GALNTL6: variants seen among roughly 807,000 people sequenced by gnomAD.
GALNTL6 encodes polypeptide N-acetylgalactosaminyltransferase like 6, also known as polypeptide N-acetylgalactosaminyltransferase-like 6.
In GALNTL6, 46 loss-of-function variants were observed where a neutral mutation model predicts 73.7. That is an observed-to-expected ratio of 0.62 (90% CI 0.49 to 0.80). The LOEUF (loss-of-function observed/expected upper bound fraction) is 0.80, where lower values mean the gene tolerates loss of function less well. GALNTL6 is among the 30% of genes least tolerant of loss of function. GALNTL6 has a pLI of 0.00. For missense variants in GALNTL6, 604 were observed against 755.0 expected, an observed-to-expected ratio of 0.80 and a Z score of 2.34; for synonymous variants, 259 against 263.7, an observed-to-expected ratio of 0.98 and a Z score of 0.17.
chr4:173,025,496 C>T (rs2126524421), intron 12 of GALNTL6, among the ~76,000 whole-genome samples: 1 of 152,292 alleles, frequency 6.6e-6, no homozygotes, highest in East Asian at 1.9e-4. Flanking sequence ...CCAGCCCCTG[C>T]CTGGTTCAGT....
At chr4:172,332,997 T>C (rs747507538) in intron 4 of GALNTL6, among the ~76,000 whole-genome samples, 1 of 152,230 alleles carries the variant, frequency 6.6e-6, no homozygotes, top group Non-Finnish European at 1.5e-5. Context: ...ATCACCATTC[T>C]AACTGGGGTA....
At chr4:172,780,547 T>G (rs1739319006) in intron 5 of GALNTL6, among the ~76,000 whole-genome samples, 1 of 152,236 alleles carries the variant, frequency 6.6e-6, no homozygotes, top group Non-Finnish European at 1.5e-5. Context: ...TTTGGCTGAT[T>G]TCATTGCCTT....
intron 4 of GALNTL6, among the ~76,000 whole-genome samples, chr4:172,329,766 C>G (rs902045878): frequency 6.6e-6 from 1 of 152,200 alleles, no homozygotes; most frequent in Non-Finnish European, 1.5e-5. Flanking sequence ...AGATGGCAAC[C>G]CATCTGTCCC....
chr4:172,983,042 C>T (rs1751139435), intron 10 of GALNTL6, among the ~76,000 whole-genome samples: 2 of 152,166 alleles, frequency 1.3e-5, no homozygotes, highest in Non-Finnish European at 2.9e-5. Flanking sequence ...TAATGTACTT[C>T]ATCTGGGCAA....
intron 4 of GALNTL6, among the ~76,000 whole-genome samples, chr4:172,337,024 C>G (rs764565601): frequency 6.6e-6 from 1 of 152,116 alleles, no homozygotes; most frequent in Non-Finnish European, 1.5e-5. Context: ...ATATAATGTC[C>G]TTCTTTTTCC....
Position 172,938,057 on chromosome 4 carries a change from C to T in GALNTL6, c.1149+6789C>T, listed in dbSNP as rs549637765. Among the ~76,000 whole-genome samples the T allele has an allele frequency of 2.2e-4, 33 of 152,262 alleles. No homozygotes were observed. The South Asian group carries it at 6.0e-3, about 28-fold the overall frequency. On this transcript the variant is annotated intron_variant, in intron 9 of 12. Coordinates refer to ENST00000506823, the MANE Select transcript of GALNTL6 (RefSeq NM_001034845.3). The stretch of plus-strand genomic sequence containing the variant: ...AGGGTTTCTTAGCAAAGTGTAACAA[C>T]CTTTGACAATTTCCTATGGTTATTA...
intron 3 of GALNTL6, among the ~76,000 whole-genome samples, chr4:172,280,509 C>T (rs952430844): frequency 2.0e-5 from 3 of 151,748 alleles, no homozygotes; most frequent in African/African-American, 7.3e-5. Flanking sequence ...TTTCTTTAAT[C>T]CTTGAGCAGT....
At chr4:172,599,735 T>C (rs1560828886) in intron 5 of GALNTL6, among the ~76,000 whole-genome samples, 1 of 152,114 alleles carries the variant, frequency 6.6e-6, no homozygotes, top group Admixed American at 6.6e-5. Flanking sequence ...ATCACTAAGA[T>C]GTAGGTTGGT....
chr4:172,275,658 A>G (rs185780168), intron 3 of GALNTL6, among the ~76,000 whole-genome samples: 1 of 152,336 alleles, frequency 6.6e-6, no homozygotes, highest in Non-Finnish European at 1.5e-5. Context: ...AAAAGAAGAG[A>G]CTATAGTTAA....
intron 9 of GALNTL6, among the ~76,000 whole-genome samples, chr4:172,935,509 G>T (rs758695765): frequency 6.6e-6 from 1 of 151,878 alleles, no homozygotes; most frequent in Non-Finnish European, 1.5e-5. Context: ...TTTTTGAAAA[G>T]ATCAACAAAA....
chr4:171,857,348 G>A (rs1288551086), intron 2 of GALNTL6, among the ~76,000 whole-genome samples: 4 of 152,074 alleles, frequency 2.6e-5, no homozygotes, highest in Non-Finnish European at 5.9e-5. Context: ...CTATTAGAAG[G>A]GATTTTTATA....
intron 2 of GALNTL6, among the ~76,000 whole-genome samples, chr4:172,096,084 C>CGGTGTG (rs1553992000): frequency 0.082 from 11,994 of 147,156 alleles, 603 homozygotes; most frequent in Admixed American, 0.18. Flanking sequence ...CTCTCTCTTT[C>CGGTGTG]TGTGTGTGTG....
rs1429796548 is a variant in GALNTL6 at position 172,138,477 on chromosome 4, C to CTACATATA, written c.139-91177_139-91176insCATATATA. 2.9e-3 allele frequency among the ~76,000 whole-genome samples: 25 copies of CTACATATA among 8,696 alleles called. 1 individual carries two copies. The highest frequency in any genetic ancestry group is 8.5e-3 in the African/African-American group (22 of 2,586). The allele number at this position is 8,696 out of a possible 152,430, so 5.7% of individuals were successfully genotyped here. On this transcript the variant is annotated intron_variant, in intron 2 of 12. Coordinates refer to ENST00000506823, the MANE Select transcript of GALNTL6 (RefSeq NM_001034845.3). ...AATTATATTAATTTACTTGGACTGC[C>CTACATATA]TATATATATATATATATATATATAT...
intron 5 of GALNTL6, among the ~76,000 whole-genome samples, chr4:172,498,705 C>T (rs1734157920): frequency 6.6e-6 from 1 of 152,082 alleles, no homozygotes; most frequent in East Asian, 1.9e-4. Context: ...AAGGTTGTAG[C>T]TTAATGGAAC....
At chr4:172,286,321 A>T (rs1739247572) in intron 3 of GALNTL6, among the ~76,000 whole-genome samples, 1 of 152,136 alleles carries the variant, frequency 6.6e-6, no homozygotes, top group African/African-American at 2.4e-5. Flanking sequence ...CGAGGTCTTT[A>T]TCCATGTGTG....
chr4:172,413,899 G>C lies in GALNTL6; in HGVS notation c.553+65210G>C, dbSNP rs200433135. On this transcript the variant is annotated intron_variant, in intron 5 of 12. Transcript: ENST00000506823. The stretch of plus-strand genomic sequence containing the variant: ...CAAATGTCTAAGAATATGAAAAGTA[G>C]GTCTGTCTTTCACTGCCTGCATAGA... Among the ~76,000 whole-genome samples the C allele has an allele frequency of 7.8e-4, 118 of 152,006 alleles. 1 individual carries two copies. The South Asian group carries it at 0.016, about 21-fold the overall frequency.
chr4:172,722,345 TAAC>T (rs1735531792), intron 5 of GALNTL6, among the ~76,000 whole-genome samples: 2 of 152,168 alleles, frequency 1.3e-5, no homozygotes, highest in African/African-American at 4.8e-5. Flanking sequence ...TACATGGTGA[TAAC>T]AAAGTAACAC....
At chr4:172,315,763 G>A (rs1225862511) in intron 4 of GALNTL6, among the ~76,000 whole-genome samples, 19 of 151,762 alleles carry the variant, frequency 1.3e-4, no homozygotes, top group Non-Finnish European at 2.8e-4. Flanking sequence ...TCCAGTCAAT[G>A]GATATCTCGG....
chr4:172,103,593 C>A (rs2110964956), intron 2 of GALNTL6, among the ~76,000 whole-genome samples: 1 of 152,296 alleles, frequency 6.6e-6, no homozygotes, highest in South Asian at 2.1e-4. Context: ...TTACTTTTCC[C>A]TGCAGTCTGC....
Sources: allele counts gnomAD v4.1 joint callset (sites outside exome capture counted in the v4.1 genomes callset), GRCh38; gene constraint gnomAD v4.1.1; transcripts MANE v1.5; gene names NCBI Gene and HGNC (gene_info 2026-07-23, HGNC 2026-07-21).